SMCO2: variants seen among roughly 807,000 people sequenced by gnomAD.
SMCO2 encodes the protein single-pass membrane protein with coiled-coil domains 2, also known as single-pass membrane and coiled-coil domain-containing protein 2.
SMCO2 carries 25 observed loss-of-function variants against 29.5 expected under a neutral mutation model. That is an observed-to-expected ratio of 0.85 (90% CI 0.62 to 1.18). The LOEUF (loss-of-function observed/expected upper bound fraction) is 1.18. SMCO2 is among the 50% of genes most tolerant of loss of function. The pLI is 0.00. For missense variants in SMCO2, 348 were observed against 344.5 expected (o/e 1.01, Z -0.08); for synonymous variants, 117 against 123.3 (o/e 0.95, Z 0.34).
the SMCO2 span, among the ~76,000 whole-genome samples, chr12:27,440,764 G>A: frequency 2.7e-5 from 4 of 150,032 alleles, no homozygotes; most frequent in African/African-American, 7.4e-5. Context: ...AAGCCTCAAG[G>A]TAACCACAGC....
At chr12:27,477,982 T>C (rs74896847) in intron 4 of SMCO2, among the ~76,000 whole-genome samples, 3,427 of 152,274 alleles carry the variant, frequency 0.023, 42 homozygotes, top group African/African-American at 0.039. Context: ...TTTTCATGTT[T>C]CTTTGGTTCT....
rs80139117 is a variant in SMCO2, at chr12:27,500,322, G to GA, written c.684-1595dup. Among the ~76,000 whole-genome samples, 5 of 148,600 alleles carry GA rather than the reference G, an allele frequency of 3.4e-5. No individual in the cohort carries two copies. In the East Asian group the frequency reaches 9.7e-4, roughly 29 times the overall value. ...TACCAAGAGTATTTACCGTAGGACA[G>GA]AAAAAACTAGATGAGTATACTCTAA... On this transcript the variant is annotated intron_variant, in intron 7 of 7. Transcript: ENST00000298876.
chr12:27,435,874 T>G, the SMCO2 span, among the ~76,000 whole-genome samples: 112,041 of 152,080 alleles, frequency 0.74, 41,490 homozygotes, highest in Middle Eastern at 0.88. Context: ...CACCCACTTC[T>G]ATCTTTTCCA....
At chr12:27,451,693 C>T in the SMCO2 span, among the ~76,000 whole-genome samples, 99 of 152,314 alleles carry the variant, frequency 6.5e-4, no homozygotes, top group African/African-American at 2.2e-3. Flanking sequence ...TGCCACTCTG[C>T]ACATGTCTGC....
chr12:27,465,946 C>T (rs924219182), upstream of SMCO2, among the ~76,000 whole-genome samples: 2 of 152,100 alleles, frequency 1.3e-5, no homozygotes, highest in African/African-American at 2.4e-5. Context: ...TAAGGTCAGA[C>T]TGTTAGGCCC....
intron 3 of SMCO2, among the ~76,000 whole-genome samples, chr12:27,474,564 T>C (rs1459834745): frequency 6.6e-6 from 1 of 152,182 alleles, no homozygotes; most frequent in African/African-American, 2.4e-5. Flanking sequence ...AAAAGAGCTC[T>C]CCGTGTGGAC....
At chr12:27,477,634 C>CTTTTTTTTTTTTTTTTTTTTTTT (rs3051833) in intron 4 of SMCO2, among the ~76,000 whole-genome samples, 4 of 109,656 alleles carry the variant, frequency 3.6e-5, no homozygotes, top group East Asian at 2.7e-4. Context: ...CTTTTTCATT[C>CTTTTTTTTTTTTTTTTTTTTTTT]TTTTTTTTTT....
intron 6 of SMCO2, among the ~76,000 whole-genome samples, chr12:27,495,354 C>T (rs1254173369): frequency 6.6e-6 from 1 of 150,778 alleles, no homozygotes; most frequent in African/African-American, 2.5e-5. Context: ...TAGCAGTAAT[C>T]ACCCAATAAA....
At chr12:27,501,034 C>G (rs543974701) in intron 7 of SMCO2, among the ~76,000 whole-genome samples, 3 of 150,604 alleles carry the variant, frequency 2.0e-5, no homozygotes, top group Admixed American at 2.0e-4. Context: ...ACATTTATAA[C>G]TAGAAAATAA....
At position 27,495,757 on chromosome 12, in the gene SMCO2, C is replaced by T; in HGVS notation, c.585C>T (p.His195=). 1.9e-6 allele frequency: 3 copies of T among 1,540,740 alleles called. No individual in the cohort carries two copies. In the Admixed American group the frequency reaches 5.9e-5, roughly 30 times the overall value. The change falls in exon 7 of 8, where the codon CAC becomes CAT. Residue 195 remains histidine, a synonymous_variant. Coordinates refer to ENST00000298876, the Ensembl canonical transcript of SMCO2. Reference sequence around the variant, plus strand: ...TGGAGGCAGAGGACACTGACTCTCACAGTTCTGAGGAAATAGATACGGAAG... The same window carrying T: ...TGGAGGCAGAGGACACTGACTCTCATAGTTCTGAGGAAATAGATACGGAAG...
chr12:27,465,955 C>CCTTTCCAT (rs1555173143), upstream of SMCO2, among the ~76,000 whole-genome samples: 2 of 151,998 alleles, frequency 1.3e-5, no homozygotes, highest in Non-Finnish European at 1.5e-5. Flanking sequence ...ACTGTTAGGC[C>CCTTTCCAT]CTTTCCATGG....
chr12:27,491,694 T>TTA (rs1405640420), intron 5 of SMCO2, among the ~76,000 whole-genome samples: 2 of 150,336 alleles, frequency 1.3e-5, no homozygotes, highest in Admixed American at 6.6e-5. Context: ...ATAATGTATT[T>TTA]TATATATATA....
the SMCO2 span, among the ~76,000 whole-genome samples, chr12:27,435,158 C>G: frequency 2.6e-5 from 4 of 151,760 alleles, no homozygotes; most frequent in Non-Finnish European, 5.9e-5. Context: ...TACCTTGGCA[C>G]TACTGACATT....
the SMCO2 span, among the ~76,000 whole-genome samples, chr12:27,440,730 T>C: frequency 6.6e-6 from 1 of 151,460 alleles, no homozygotes. Flanking sequence ...AAAATAACTT[T>C]TATATCTATA....
At chr12:27,434,891 G>A in the SMCO2 span, among the ~76,000 whole-genome samples, 10 of 152,134 alleles carry the variant, frequency 6.6e-5, no homozygotes, top group Admixed American at 2.6e-4. Context: ...GAAGCTGTCT[G>A]CTACACGAGG....
upstream of SMCO2, among the ~76,000 whole-genome samples, chr12:27,465,520 A>G (rs1270592584): frequency 6.6e-6 from 1 of 152,230 alleles, no homozygotes; most frequent in African/African-American, 2.4e-5. Flanking sequence ...AGACCGTAAG[A>G]AAGGTGACAC....
At chr12:27,494,744 T>A (rs57487384) in intron 6 of SMCO2, among the ~76,000 whole-genome samples, 6,816 of 152,008 alleles carry the variant, frequency 0.045, 243 homozygotes, top group African/African-American at 0.1. Flanking sequence ...CTTATGAGTG[T>A]GAACATGCAG....
At chr12:27,467,937 A>C (rs1269400606) in intron 1 of SMCO2, among the ~76,000 whole-genome samples, 3 of 152,178 alleles carry the variant, frequency 2.0e-5, no homozygotes, top group African/African-American at 4.8e-5. Flanking sequence ...TTACTGTGTT[A>C]TTTGAAGTTA....
intron 4 of SMCO2, among the ~76,000 whole-genome samples, chr12:27,476,235 T>C (rs780767557): frequency 9.2e-5 from 14 of 152,224 alleles, no homozygotes; most frequent in African/African-American, 3.1e-4. Flanking sequence ...CTTGATATGA[T>C]TGCAATGTTT....
Sources: allele counts gnomAD v4.1 joint callset (sites outside exome capture counted in the v4.1 genomes callset), GRCh38; gene constraint gnomAD v4.1.1; transcripts MANE v1.5; gene names NCBI Gene and HGNC (gene_info 2026-07-23, HGNC 2026-07-21).